Variants in SYNRG observed in about 807,000 individuals in gnomAD.
SYNRG encodes the protein synergin gamma.
SYNRG carries 37 observed loss-of-function variants against 130.9 expected under a neutral mutation model. That is an observed-to-expected ratio of 0.28 (90% CI 0.22 to 0.37). SYNRG has a LOEUF of 0.37. Among genes scored for constraint, SYNRG ranks in the 10% least tolerant of loss-of-function variants. The pLI, the probability that SYNRG is intolerant of heterozygous loss-of-function variation, is 1.00. For synonymous variants in SYNRG, 539 were observed against 568.1 expected (o/e 0.95, Z 0.73); for missense variants, 1,338 against 1,588.9 (o/e 0.84, Z 2.68).
rs761990206 is a variant in SYNRG at position 37,520,163 on chromosome 17, T to C, written c.3813+16A>G. ...TTAAAATGGAGACGCTAAGATAAGG[T>C]GTAACTGGTTCATACTTTTTTAGGA... On this transcript the variant is annotated intron_variant, in intron 21 of 21. Coordinates refer to ENST00000612223, the MANE Select transcript of SYNRG (RefSeq NM_007247.6). The C allele has an allele frequency of 6.8e-6, 11 of 1,614,112 alleles. No individual in the cohort carries two copies. Among genetic ancestry groups the C allele is most frequent in the South Asian group, 3.3e-5 (3 of 91,076 alleles).
chr17:37,554,608 A>C (rs557798571), intron 13 of SYNRG, among the ~76,000 whole-genome samples: 11 of 152,322 alleles, frequency 7.2e-5, no homozygotes, highest in African/African-American at 2.6e-4. Flanking sequence ...GGTCTTGCTC[A>C]AGTAAATGAA....
intron 6 of SYNRG, among the ~76,000 whole-genome samples, chr17:37,583,301 T>C (rs2061470905): frequency 6.6e-6 from 1 of 152,208 alleles, no homozygotes; most frequent in South Asian, 2.1e-4. Flanking sequence ...CTAAATTACT[T>C]CTTGACTAGC....
chr17:37,587,973 T>G (rs2061833010), intron 3 of SYNRG, among the ~76,000 whole-genome samples: 1 of 152,212 alleles, frequency 6.6e-6, no homozygotes, highest in South Asian at 2.1e-4. Flanking sequence ...ATTTATTTTT[T>G]TTCCGTGAGC....
Position 37,542,345 on chromosome 17 carries a change from A to C in SYNRG, c.2829T>G (p.Ser943=). 1 of 1,614,158 alleles carries C rather than the reference A, an allele frequency of 6.2e-7. No homozygotes were observed. The highest frequency in any genetic ancestry group is 8.5e-7 in the Non-Finnish European group (1 of 1,180,032). ...TTACAAAGGTCGTTACTTTGGAGAG[A>C]GATGTCATGGTGATGTTTTCAGAAC... ...FGSSENITMT[S]LSKVTTFVSE... The change falls in exon 15 of 22, where the codon TCT becomes TCG. Residue 943 remains serine, a synonymous_variant. Transcript: ENST00000612223.
At chr17:37,527,992 G>C (rs1194644758) in intron 19 of SYNRG, among the ~76,000 whole-genome samples, 2 of 152,202 alleles carry the variant, frequency 1.3e-5, no homozygotes, top group South Asian at 4.1e-4. Flanking sequence ...CTTCCGATAG[G>C]AACAGCCTCA....
intron 11 of SYNRG, chr17:37,567,580 G>T (rs894086421): frequency 3.3e-5 from 5 of 152,134 alleles, no homozygotes; most frequent in African/African-American, 1.2e-4. Context: ...GCACTCTATG[G>T]TCACATTCCT....
At position 37,554,819 on chromosome 17, in the gene SYNRG, A is replaced by C. The variant is rs2058983498; in HGVS notation, c.1664-760T>G. On this transcript the variant is annotated intron_variant, in intron 13 of 21. Transcript: ENST00000612223. ...ACTGTATCAATGAGCACTTATTTTT[A>C]TTTATTAAAATTCAAAAGGATTTGA... is the stretch of plus-strand genomic sequence containing the variant. 3.9e-5 allele frequency among the ~76,000 whole-genome samples: 6 copies of C among 152,282 alleles called. No individual in the cohort carries two copies. In the South Asian group the frequency reaches 1.2e-3, roughly 32 times the overall value.
chr17:37,532,393 G>A (rs2056721824), intron 19 of SYNRG, among the ~76,000 whole-genome samples: 1 of 152,122 alleles, frequency 6.6e-6, no homozygotes, highest in Admixed American at 6.5e-5. Context: ...AGGCAGGCCG[G>A]GCATGGTGGC....
chr17:37,553,704 G>A lies in SYNRG; in HGVS notation c.2019C>T (p.Phe673=). Residue 673 remains phenylalanine, a synonymous_variant, in exon 14 of 22, where the codon TTC becomes TTT. Transcript: ENST00000612223. ...TSSLADDFGE[F]SLFGEYSGLA... ...GACCAGAATATTCCCCAAAAAGGCT[G>A]AATTCTCCAAAATCATCAGCCAAAC... 6.2e-7 allele frequency: 1 copy of A among 1,613,664 alleles called. No homozygotes were observed. The highest frequency in any genetic ancestry group is 8.5e-7 in the Non-Finnish European group (1 of 1,179,940).
chr17:37,542,754 C>T (rs1568328835), intron 14 of SYNRG, among the ~76,000 whole-genome samples, 189 bp from the exon 15 acceptor site: 1 of 152,062 alleles, frequency 6.6e-6, no homozygotes, highest in African/African-American at 2.4e-5. Flanking sequence ...CCACATTAGC[C>T]TTGAGTTGGC....
At chr17:37,521,017 T>C (rs1174455114) in intron 19 of SYNRG, among the ~76,000 whole-genome samples, 1 of 143,778 alleles carries the variant, frequency 7.0e-6, no homozygotes, top group African/African-American at 2.6e-5. Context: ...GACTGCGTCC[T>C]AGAACTTTTT....
chr17:37,607,765 G>A (rs566451433), intron 1 of SYNRG, among the ~76,000 whole-genome samples: 4 of 151,892 alleles, frequency 2.6e-5, no homozygotes, highest in Non-Finnish European at 5.9e-5. Context: ...CTCTAGCCTG[G>A]GTGACAGAAC....
intron 4 of SYNRG, 65 bp from the exon 5 acceptor site, chr17:37,585,495 AT>A: frequency 8.8e-7 from 1 of 1,137,400 alleles, no homozygotes; most frequent in Non-Finnish European, 1.3e-6. Context: ...TTATATTCAG[AT>A]TTCTAACAGT....
intron 3 of SYNRG, among the ~76,000 whole-genome samples, chr17:37,587,734 C>T (rs2061809374): frequency 1.3e-5 from 2 of 152,220 alleles, no homozygotes. Context: ...GGGTAACTCA[C>T]CTAACACTGT....
At chr17:37,581,462 G>A (rs942384536) in intron 6 of SYNRG, among the ~76,000 whole-genome samples, 8 of 151,844 alleles carry the variant, frequency 5.3e-5, no homozygotes, top group Non-Finnish European at 1.2e-4. Context: ...ATTTTTAGTA[G>A]AGATGGGGTT....
chr17:37,519,168 A>G, intron 21 of SYNRG, 97 bp from the exon 22 acceptor site: 1 of 1,518,580 alleles, frequency 6.6e-7, no homozygotes, highest in Non-Finnish European at 8.9e-7. Context: ...TCCAGGTCAC[A>G]GAGGCTGAGG....
Position 37,527,185 on chromosome 17 carries a change from G to A in SYNRG, c.3667-6537C>T, listed in dbSNP as rs569417588. On this transcript the variant is annotated intron_variant, in intron 19 of 21. Transcript: ENST00000612223. ...CAGAGAGCCTGTATGATTGCCAGTT[G>A]ACTAAAATTCAGGCGAATAACAACC... Among the ~76,000 whole-genome samples the A allele has an allele frequency of 2.6e-5, 4 of 152,320 alleles. No individual in the cohort carries two copies. In the East Asian group the frequency reaches 7.7e-4, roughly 29 times the overall value.
At chr17:37,577,823 T>C (rs1443555379) in intron 6 of SYNRG, among the ~76,000 whole-genome samples, 1 of 149,164 alleles carries the variant, frequency 6.7e-6, no homozygotes, top group Non-Finnish European at 1.5e-5. Context: ...CTCAGCCTCC[T>C]TAGTAGCTGA....
Position 37,570,656 on chromosome 17 carries a change from G to C in SYNRG, c.1328C>G (p.Pro443Arg), listed in dbSNP as rs573686618. The C allele has an allele frequency of 1.2e-6, 2 of 1,613,706 alleles. No homozygotes were observed. Among genetic ancestry groups the C allele is most frequent in the Admixed American group, 3.3e-5 (2 of 59,932 alleles). Residue 443 changes from proline to arginine, a missense_variant, in exon 10 of 22, where the codon CCA becomes CGA. Pro to Arg is a moderately radical substitution (Grantham distance 103, BLOSUM62 -2). Transcript: ENST00000612223. Reference sequence around the variant, plus strand: ...ATTTACCTGATTTGCAGGGTAGGTTGGTATGAAACCACTAGAAGCCTGGGC... The same window carrying C: ...ATTTACCTGATTTGCAGGGTAGGTTCGTATGAAACCACTAGAAGCCTGGGC... ...AAAQASSGFI[P>R]TYPANQVVKP...
Sources: gnomAD v4.1 joint callset for allele counts (sites outside exome capture counted in the v4.1 genomes callset) on GRCh38, gnomAD v4.1.1 for gene constraint, MANE v1.5 for transcripts, NCBI Gene and HGNC (gene_info 2026-07-23, HGNC 2026-07-21) for gene names.